ERBB4: variants seen among roughly 807,000 people sequenced by gnomAD.
ERBB4 encodes the protein receptor tyrosine-protein kinase erbB-4.
In ERBB4, 42 loss-of-function variants were observed where a neutral mutation model predicts 158.0. The ratio of observed to expected loss-of-function variants is 0.27; its 90% CI spans 0.21 to 0.34. The LOEUF is 0.34. ERBB4 is among the 10% of genes least tolerant of loss of function. The pLI, the probability that ERBB4 is intolerant of heterozygous loss-of-function variation, is 1.00. For synonymous variants in ERBB4, 583 were observed against 558.7 expected (o/e 1.04, Z -0.61); for missense variants, 1,333 against 1,624.1 (o/e 0.82, Z 3.08).
At chr2:212,436,512 A>T (rs989238939) in intron 1 of ERBB4, among the ~76,000 whole-genome samples, 2 of 152,068 alleles carry the variant, frequency 1.3e-5, no homozygotes, top group African/African-American at 4.8e-5. Flanking sequence ...TAAGATAAAT[A>T]TTTACTAAGT....
intron 3 of ERBB4, among the ~76,000 whole-genome samples, chr2:211,792,260 A>G (rs2076292696): frequency 6.6e-6 from 1 of 151,742 alleles, no homozygotes; most frequent in Non-Finnish European, 1.5e-5. Flanking sequence ...ATAAAGTATG[A>G]AGCTGTTACT....
intron 20 of ERBB4, among the ~76,000 whole-genome samples, chr2:211,548,100 C>A (rs1379030188): frequency 6.6e-6 from 1 of 152,106 alleles, no homozygotes; most frequent in Non-Finnish European, 1.5e-5. Flanking sequence ...CCTCAATAAA[C>A]TTCATTTTCA....
intron 1 of ERBB4, among the ~76,000 whole-genome samples, chr2:212,197,053 C>T (rs1574414598): frequency 6.6e-6 from 1 of 151,982 alleles, no homozygotes; most frequent in Admixed American, 6.6e-5. Flanking sequence ...CCAGTTGCTG[C>T]CTGCTGACCA....
At chr2:212,040,058 A>G (rs1200085445) in intron 2 of ERBB4, among the ~76,000 whole-genome samples, 2 of 151,902 alleles carry the variant, frequency 1.3e-5, no homozygotes, top group African/African-American at 2.4e-5. Flanking sequence ...AATTTCCAGA[A>G]GCTAAATAAA....
intron 4 of ERBB4, among the ~76,000 whole-genome samples, chr2:211,770,285 C>T (rs2106263899): frequency 6.6e-6 from 1 of 152,240 alleles, no homozygotes; most frequent in South Asian, 2.1e-4. Flanking sequence ...GTTAATTCCA[C>T]CTTATTTTCC....
At chr2:212,316,473 T>A (rs1034177748) in intron 1 of ERBB4, among the ~76,000 whole-genome samples, 1 of 151,502 alleles carries the variant, frequency 6.6e-6, no homozygotes. Context: ...TCAATCTTCT[T>A]CAGCCTGGCA....
At chr2:211,765,195 A>G (rs1407436760) in intron 4 of ERBB4, among the ~76,000 whole-genome samples, 1 of 152,172 alleles carries the variant, frequency 6.6e-6, no homozygotes, top group Non-Finnish European at 1.5e-5. Context: ...TCTTGGAGAC[A>G]AGATTCAAAC....
intron 2 of ERBB4, among the ~76,000 whole-genome samples, chr2:212,082,693 CA>C (rs1210015570): frequency 6.6e-6 from 1 of 151,896 alleles, no homozygotes; most frequent in Non-Finnish European, 1.5e-5. Context: ...GTTTTATGAA[CA>C]ATTTTGATGT....
chr2:212,307,875 G>A (rs75087343), intron 1 of ERBB4, among the ~76,000 whole-genome samples: 4,646 of 150,764 alleles, frequency 0.031, 189 homozygotes, highest in African/African-American at 0.095. Flanking sequence ...GAGTTCTCTA[G>A]GAGCAGCCAA....
At chr2:212,372,988 A>G (rs2106388554) in intron 1 of ERBB4, among the ~76,000 whole-genome samples, 1 of 152,302 alleles carries the variant, frequency 6.6e-6, no homozygotes, top group South Asian at 2.1e-4. Context: ...AAAGCAGTAA[A>G]TTGGTATAGA....
intron 25 of ERBB4, among the ~76,000 whole-genome samples, chr2:211,389,436 C>A (rs1263689030): frequency 6.6e-6 from 1 of 152,092 alleles, no homozygotes; most frequent in Admixed American, 6.6e-5. Flanking sequence ...TAAAGTAAGT[C>A]AATAACAACT....
rs370397826 is a variant in ERBB4, at chr2:212,413,134, A to ATT, written c.82+125313_82+125314dup. ...AGGCACACACCACCATGCGTGGCTA[A>ATT]TTTTTTTTTTTTTTTTTTTTTTTTT... On this transcript the variant is annotated intron_variant, in intron 1 of 27. Coordinates refer to ENST00000342788, the MANE Select transcript of ERBB4 (RefSeq NM_005235.3). 5.8e-3 allele frequency among the ~76,000 whole-genome samples: 591 copies of ATT among 101,234 alleles called. 2 individuals are homozygous for ATT. The highest frequency in any genetic ancestry group is 0.012 in the African/African-American group (291 of 24,962). 66.4% of individuals were successfully genotyped at this position (101,234 alleles called of 152,430 possible). A position where few individuals can be genotyped will look rare whatever the true frequency, so the allele number is the denominator to read the frequency against.
At position 211,537,844 on chromosome 2, in the gene ERBB4, A is replaced by G. The variant is rs558188975; in HGVS notation, c.2487+24059T>C. On this transcript the variant is annotated intron_variant, in intron 20 of 27. Transcript: ENST00000342788. ...TTTATCAATGTGTAGTTGTAATACA[A>G]AAGAAACTTCCGTATAAATTTCTCT... Among the ~76,000 whole-genome samples, 11 of 152,094 alleles carry G rather than the reference A, an allele frequency of 7.2e-5. No homozygotes were observed. The East Asian group carries it at 2.1e-3, about 29-fold the overall frequency.
At chr2:212,476,929 T>C (rs1298203369) in intron 1 of ERBB4, among the ~76,000 whole-genome samples, 1 of 152,134 alleles carries the variant, frequency 6.6e-6, no homozygotes, top group Non-Finnish European at 1.5e-5. Context: ...TTATTAACTA[T>C]TTTTAGCTTC....
intron 3 of ERBB4, among the ~76,000 whole-genome samples, chr2:211,806,486 A>G (rs939531016): frequency 6.6e-6 from 1 of 152,204 alleles, no homozygotes; most frequent in African/African-American, 2.4e-5. Context: ...TATTTTAAAG[A>G]TACCCTTCAA....
At chr2:212,367,470 G>A (rs1009150900) in intron 1 of ERBB4, among the ~76,000 whole-genome samples, 1 of 152,048 alleles carries the variant, frequency 6.6e-6, no homozygotes, top group African/African-American at 2.4e-5. Flanking sequence ...CTTAAGACCT[G>A]AAACTATTCA....
At chr2:211,732,361 G>GAAAA (rs78246905) in intron 5 of ERBB4, among the ~76,000 whole-genome samples, 17 of 148,478 alleles carry the variant, frequency 1.1e-4, no homozygotes, top group Admixed American at 1.3e-4. Context: ...GGTCTTTTTT[G>GAAAA]AAAAAAAAAA....
chr2:211,438,554 T>C (rs1020336117), intron 20 of ERBB4, among the ~76,000 whole-genome samples: 2 of 152,146 alleles, frequency 1.3e-5, no homozygotes, highest in African/African-American at 4.8e-5. Flanking sequence ...AGAAAACACG[T>C]AAACATTCAC....
intron 1 of ERBB4, among the ~76,000 whole-genome samples, chr2:212,485,008 A>G (rs1479231912): frequency 6.6e-6 from 1 of 152,180 alleles, no homozygotes; most frequent in Non-Finnish European, 1.5e-5. Context: ...TCATCAAAGT[A>G]CAGCCTTCTG....
Sources: allele counts gnomAD v4.1 joint callset (sites outside exome capture counted in the v4.1 genomes callset), GRCh38; gene constraint gnomAD v4.1.1; transcripts MANE v1.5; gene names NCBI Gene and HGNC (gene_info 2026-07-23, HGNC 2026-07-21).